SLC10A7: variants seen among roughly 807,000 people sequenced by gnomAD.
The protein encoded by SLC10A7 is sodium/bile acid cotransporter 7.
Under a neutral mutation model 43.2 loss-of-function variants are expected in SLC10A7, and 29 were observed. That is an observed-to-expected ratio of 0.67 (90% CI 0.50 to 0.92). The LOEUF is 0.92. Among genes scored for constraint, SLC10A7 ranks in the 40% least tolerant of loss-of-function variants. The pLI, the probability that SLC10A7 is intolerant of heterozygous loss-of-function variation, is 0.00. For synonymous variants in SLC10A7, 152 were observed against 144.8 expected (o/e 1.05, Z -0.35); for missense variants, 295 against 403.2 (o/e 0.73, Z 2.30).
intron 5 of SLC10A7, among the ~76,000 whole-genome samples, chr4:146,404,029 G>A (rs1485959752): frequency 6.6e-6 from 1 of 151,996 alleles, no homozygotes; most frequent in Non-Finnish European, 1.5e-5. Flanking sequence ...CCAACAGTGT[G>A]CTTTTGTTTT....
intron 4 of SLC10A7, among the ~76,000 whole-genome samples, chr4:146,478,562 C>T (rs1355512825): frequency 3.3e-5 from 5 of 152,142 alleles, no homozygotes; most frequent in African/African-American, 1.2e-4. Context: ...ATTAATTCCT[C>T]ACCCATCTGT....
chr4:146,501,147 A>G (rs947561468), intron 4 of SLC10A7, among the ~76,000 whole-genome samples: 2 of 151,970 alleles, frequency 1.3e-5, no homozygotes, highest in African/African-American at 4.8e-5. Flanking sequence ...TTTTATATCT[A>G]TGCTCTCTCC....
intron 5 of SLC10A7, among the ~76,000 whole-genome samples, chr4:146,374,619 TACACACACACACACACACACACAC>T (rs59049339): frequency 2.4e-5 from 3 of 123,512 alleles, no homozygotes; most frequent in African/African-American, 9.1e-5. Flanking sequence ...TATATACACA[TACACACACACACACACACACACAC>T]ACACACACAC....
At chr4:146,487,408 A>G (rs559237074) in intron 4 of SLC10A7, among the ~76,000 whole-genome samples, 1 of 152,328 alleles carries the variant, frequency 6.6e-6, no homozygotes, top group Non-Finnish European at 1.5e-5. Flanking sequence ...CCCACTCCTC[A>G]GAATTTTAAT....
intron 5 of SLC10A7, among the ~76,000 whole-genome samples, chr4:146,384,851 A>G (rs987954286): frequency 7.2e-5 from 11 of 151,802 alleles, no homozygotes; most frequent in African/African-American, 7.3e-5. Flanking sequence ...GGATACTTGC[A>G]TTTTTTTTAC....
At chr4:146,305,253 T>G (rs1578838523) in intron 7 of SLC10A7, among the ~76,000 whole-genome samples, 2 of 151,180 alleles carry the variant, frequency 1.3e-5, no homozygotes, top group East Asian at 3.9e-4. Flanking sequence ...CCATAAAAAA[T>G]GATGAGTTCA....
chr4:146,344,148 A>G (rs1174646020), intron 5 of SLC10A7, among the ~76,000 whole-genome samples: 2 of 152,076 alleles, frequency 1.3e-5, no homozygotes, highest in African/African-American at 4.8e-5. Context: ...AAGTTGCAGT[A>G]TCTAAGTGGG....
chr4:146,467,596 T>C (rs1245974080), intron 4 of SLC10A7, among the ~76,000 whole-genome samples: 1 of 124,960 alleles, frequency 8.0e-6, no homozygotes, highest in Non-Finnish European at 1.6e-5. Flanking sequence ...GACAGAGCGC[T>C]CTGTTTCCCA....
At chr4:146,462,629 G>A (rs1294261798) in intron 4 of SLC10A7, among the ~76,000 whole-genome samples, 1 of 152,196 alleles carries the variant, frequency 6.6e-6, no homozygotes, top group Non-Finnish European at 1.5e-5. Flanking sequence ...ACACTAGTCA[G>A]TAAGCAGTGA....
intron 4 of SLC10A7, among the ~76,000 whole-genome samples, chr4:146,500,883 T>A (rs560077554): frequency 6.6e-6 from 1 of 152,210 alleles, no homozygotes; most frequent in East Asian, 1.9e-4. Context: ...CCATGTAGCA[T>A]AATTTAGTGG....
At position 146,291,554 on chromosome 4, in the gene SLC10A7, G is replaced by T. The variant is rs1298135253; in HGVS notation, c.773+1375C>A. Among the ~76,000 whole-genome samples, 3 of 152,152 alleles carry T rather than the reference G, an allele frequency of 2.0e-5. No individual in the cohort carries two copies. The East Asian group carries it at 5.8e-4, about 29-fold the overall frequency. Reference sequence around the variant, plus strand: ...CTCATTGCTATTGCCTGGTGTTCATGGGCTTTGCAATCTGGCTCAAGCCTA... The same window carrying T: ...CTCATTGCTATTGCCTGGTGTTCATTGGCTTTGCAATCTGGCTCAAGCCTA... On this transcript the variant is annotated intron_variant, in intron 9 of 11. Coordinates refer to ENST00000335472, the MANE Select transcript of SLC10A7 (RefSeq NM_001029998.6).
At chr4:146,510,879 G>A (rs1737398767) in intron 2 of SLC10A7, among the ~76,000 whole-genome samples, 1 of 152,130 alleles carries the variant, frequency 6.6e-6, no homozygotes, top group African/African-American at 2.4e-5. Context: ...TTCCCTCAAT[G>A]ATAGTCTCTA....
At chr4:146,361,605 CAAG>C (rs1253874684) in intron 5 of SLC10A7, among the ~76,000 whole-genome samples, 4 of 152,096 alleles carry the variant, frequency 2.6e-5, no homozygotes, top group African/African-American at 9.7e-5. Flanking sequence ...AAAGCCCTCT[CAAG>C]AAGGATGAGT....
chr4:146,494,391 G>A (rs906423226), intron 4 of SLC10A7, among the ~76,000 whole-genome samples: 4 of 152,244 alleles, frequency 2.6e-5, no homozygotes, highest in South Asian at 2.1e-4. Flanking sequence ...AATACTTCTC[G>A]CCCAAGATCA....
intron 10 of SLC10A7, among the ~76,000 whole-genome samples, chr4:146,267,926 A>C (rs1170954210): frequency 1.3e-5 from 2 of 152,136 alleles, no homozygotes; most frequent in Non-Finnish European, 2.9e-5. Context: ...AAAACAGGAC[A>C]ATCTTGCACC....
chr4:146,342,607 C>A (rs139551981), intron 5 of SLC10A7, among the ~76,000 whole-genome samples: 42 of 151,522 alleles, frequency 2.8e-4, no homozygotes, highest in Middle Eastern at 6.8e-3. Context: ...AATTTACAAT[C>A]ATCATTTTTT....
intron 4 of SLC10A7, among the ~76,000 whole-genome samples, chr4:146,455,682 T>A (rs1256443553): frequency 6.6e-6 from 1 of 151,908 alleles, no homozygotes; most frequent in African/African-American, 2.4e-5. Context: ...ACTTCGCAGA[T>A]CATCTCATCA....
chr4:146,444,628 G>A (rs1730880000), intron 4 of SLC10A7, among the ~76,000 whole-genome samples: 1 of 151,932 alleles, frequency 6.6e-6, no homozygotes, highest in African/African-American at 2.4e-5. Context: ...TATATGAATT[G>A]GCCTATATTC....
Position 146,505,745 on chromosome 4 carries a change from T to TTATA in SLC10A7, c.321-1825_321-1822dup, listed in dbSNP as rs539291512. Among the ~76,000 whole-genome samples, 744 of 152,356 alleles carry TTATA rather than the reference T, an allele frequency of 4.9e-3. 3 individuals carry two copies. The highest frequency in any genetic ancestry group is 7.5e-3 in the Non-Finnish European group (513 of 68,036). ...AGAGCTACTAGAGTCGTCTGTCCTA[T>TTATA]TATAAATTCCCAATCTCTGAGGCTT... is the stretch of plus-strand genomic sequence containing the variant. On this transcript the variant is annotated intron_variant, in intron 3 of 11. Transcript: ENST00000335472.
Sources: allele counts gnomAD v4.1 joint callset (sites outside exome capture counted in the v4.1 genomes callset), GRCh38; gene constraint gnomAD v4.1.1; transcripts MANE v1.5; gene names NCBI Gene and HGNC (gene_info 2026-07-23, HGNC 2026-07-21).